Variants in FER observed in about 807,000 individuals in gnomAD.
FER encodes the protein tyrosine-protein kinase Fer.
FER carries 63 observed loss-of-function variants against 111.0 expected under a neutral mutation model. The ratio of observed to expected loss-of-function variants is 0.57; its 90% CI spans 0.46 to 0.70. FER has a LOEUF of 0.70. FER is among the 30% of genes least tolerant of loss of function. The pLI, the probability that FER is intolerant of heterozygous loss-of-function variation, is 0.00. For synonymous variants in FER, 327 were observed against 313.9 expected, an observed-to-expected ratio of 1.04 and a Z score of -0.44; for missense variants, 914 against 954.0, an observed-to-expected ratio of 0.96 and a Z score of 0.55.
chr5:109,008,358 C>T (rs1765764129), intron 13 of FER, among the ~76,000 whole-genome samples: 1 of 152,084 alleles, frequency 6.6e-6, no homozygotes, highest in African/African-American at 2.4e-5. Flanking sequence ...CAACCTTTAC[C>T]ATTTTTTCTC....
chr5:108,900,746 G>A lies in FER; in HGVS notation c.1236+2898G>A, dbSNP rs183985745. ...TTAAGGAACTGTACCATTGAAATGT[G>A]CCATGCATTGGGTATTCTTATAAAG... On this transcript the variant is annotated intron_variant, in intron 10 of 19. Coordinates refer to ENST00000281092, the MANE Select transcript of FER (RefSeq NM_005246.4). Among the ~76,000 whole-genome samples, 41 of 152,254 alleles carry A rather than the reference G, an allele frequency of 2.7e-4. No homozygotes were observed. The East Asian group carries it at 7.1e-3, about 27-fold the overall frequency.
intron 13 of FER, among the ~76,000 whole-genome samples, chr5:109,016,105 T>C (rs1767078258): frequency 6.6e-6 from 1 of 152,012 alleles, no homozygotes; most frequent in Non-Finnish European, 1.5e-5. Context: ...TCCCTCTATA[T>C]CTGACCTAAG....
chr5:109,026,271 G>A (rs1048387219), intron 13 of FER, among the ~76,000 whole-genome samples: 2 of 152,060 alleles, frequency 1.3e-5, no homozygotes, highest in Non-Finnish European at 2.9e-5. Flanking sequence ...ATTTTCTAAG[G>A]TAATAATGTG....
chr5:109,171,595 G>C (rs963374011), intron 17 of FER, among the ~76,000 whole-genome samples: 2 of 152,146 alleles, frequency 1.3e-5, no homozygotes, highest in African/African-American at 4.8e-5. Flanking sequence ...TGTTGCTCAG[G>C]TAACTTATTG....
chr5:109,110,815 A>G (rs561184645), intron 17 of FER, among the ~76,000 whole-genome samples: 2 of 152,210 alleles, frequency 1.3e-5, no homozygotes, highest in African/African-American at 4.8e-5. Flanking sequence ...ATTTTAACGT[A>G]TTACTCCATC....
chr5:108,993,009 C>T (rs1168868601), intron 13 of FER, among the ~76,000 whole-genome samples: 1 of 150,840 alleles, frequency 6.6e-6, no homozygotes, highest in Non-Finnish European at 1.5e-5. Flanking sequence ...CTCCTCACTT[C>T]CTAGATGGGA....
intron 10 of FER, among the ~76,000 whole-genome samples, chr5:108,904,070 G>GT (rs973310647): frequency 1.3e-5 from 2 of 151,618 alleles, no homozygotes; most frequent in African/African-American, 4.9e-5. Flanking sequence ...AGTTACTTCA[G>GT]TTTTTTTTCA....
intron 17 of FER, among the ~76,000 whole-genome samples, chr5:109,123,436 T>C (rs1243993976): frequency 1.3e-5 from 2 of 152,022 alleles, no homozygotes; most frequent in African/African-American, 4.8e-5. Context: ...ATTACAGGTG[T>C]GAGCCACATC....
intron 1 of FER, among the ~76,000 whole-genome samples, chr5:108,761,970 G>T (rs1009371666): frequency 2.0e-5 from 3 of 152,022 alleles, no homozygotes; most frequent in African/African-American, 7.3e-5. Flanking sequence ...GAGTGCAGTG[G>T]CATGATCTCA....
intron 3 of FER, chr5:108,820,172 C>T: frequency 2.0e-6 from 2 of 985,318 alleles, no homozygotes; most frequent in Non-Finnish European, 2.4e-6. Flanking sequence ...TTTAACAGTC[C>T]TCTACTAGAG....
rs370778672 is a variant in FER, at chr5:108,893,672, A to G, written c.1047-3987A>G. On this transcript the variant is annotated intron_variant, in intron 9 of 19. Transcript: ENST00000281092. ...ACAGTGTCCCCATAAGTCTCCCCCC[A>G]TATTTGTGTGAGCGGCTGAATGACG... Among the ~76,000 whole-genome samples the G allele has an allele frequency of 7.8e-4, 119 of 152,174 alleles. 1 individual carries two copies. In the East Asian group the frequency reaches 0.019, roughly 25 times the overall value.
At chr5:108,830,823 G>C (rs904380739) in intron 3 of FER, 1 of 152,256 alleles carries the variant, frequency 6.6e-6, no homozygotes, top group African/African-American at 2.4e-5. Context: ...TATTAGCAGC[G>C]TTGGGGTGTT....
intron 17 of FER, among the ~76,000 whole-genome samples, chr5:109,158,614 C>G (rs952057164): frequency 6.6e-6 from 1 of 152,164 alleles, no homozygotes; most frequent in Non-Finnish European, 1.5e-5. Context: ...TCATACCTCT[C>G]TTGAGAAATC....
intron 3 of FER, among the ~76,000 whole-genome samples, chr5:108,828,068 C>T (rs1759660208): frequency 6.6e-6 from 1 of 151,904 alleles, no homozygotes; most frequent in Non-Finnish European, 1.5e-5. Context: ...CACTGTCTTG[C>T]TACATTGCCC....
At chr5:108,945,144 T>C (rs1284561022) in intron 10 of FER, among the ~76,000 whole-genome samples, 3 of 152,186 alleles carry the variant, frequency 2.0e-5, no homozygotes, top group African/African-American at 7.2e-5. Flanking sequence ...TGTGACCTAC[T>C]TACTTGTTTT....
At chr5:109,145,118 C>T (rs553001644) in intron 17 of FER, among the ~76,000 whole-genome samples, 84 of 151,832 alleles carry the variant, frequency 5.5e-4, no homozygotes, top group African/African-American at 1.9e-3. Flanking sequence ...TAATGCATGG[C>T]AAACTCAGCT....
At chr5:109,134,292 AT>A (rs1487376474) in intron 17 of FER, among the ~76,000 whole-genome samples, 1 of 152,196 alleles carries the variant, frequency 6.6e-6, no homozygotes, top group Non-Finnish European at 1.5e-5. Flanking sequence ...AACAGGAAAT[AT>A]CCCAGTCAAT....
chr5:109,072,989 T>C (rs1296007453), intron 16 of FER, among the ~76,000 whole-genome samples: 2 of 152,132 alleles, frequency 1.3e-5, no homozygotes, highest in Non-Finnish European at 2.9e-5. Context: ...CGTGTCTCTA[T>C]ATTCAAATCT....
chr5:108,930,255 TC>T (rs1473817112), intron 10 of FER, among the ~76,000 whole-genome samples: 2 of 148,474 alleles, frequency 1.3e-5, no homozygotes, highest in East Asian at 4.0e-4. Context: ...CAAGCAGTCT[TC>T]CTGACCAGGC....
Sources: allele counts gnomAD v4.1 joint callset (sites outside exome capture counted in the v4.1 genomes callset), GRCh38; gene constraint gnomAD v4.1.1; transcripts MANE v1.5; gene names NCBI Gene and HGNC (gene_info 2026-07-23, HGNC 2026-07-21).